VAC14: variants seen among roughly 807,000 people sequenced by gnomAD.
The protein encoded by VAC14 is VAC14 component of PIKFYVE complex.
In VAC14, 47 loss-of-function variants were observed where a neutral mutation model predicts 85.3. The ratio of observed to expected loss-of-function variants is 0.55; its 90% CI spans 0.44 to 0.70. The LOEUF is 0.70. Among genes scored for constraint, VAC14 ranks in the 30% least tolerant of loss-of-function variants. The probability of loss-of-function intolerance (pLI) is 0.00; values close to 1 mark genes in which losing one functional copy is unlikely to be tolerated. For synonymous variants in VAC14, 447 were observed against 430.5 expected (o/e 1.04, Z -0.47); for missense variants, 861 against 1,004.3 (o/e 0.86, Z 1.93).
chr16:70,783,171 G>A (rs765058951), intron 6 of VAC14, 32 bp from the exon 7 acceptor site: 20 of 1,603,962 alleles, frequency 1.2e-5, no homozygotes, highest in East Asian at 8.9e-5. Context: ...TGGAAACAGC[G>A]AGGGTCAGCC....
chr16:70,733,878 T>C (rs1747950450), intron 13 of VAC14, among the ~76,000 whole-genome samples: 1 of 152,200 alleles, frequency 6.6e-6, no homozygotes. Flanking sequence ...CAGGCTTGAG[T>C]ACAATGGCAC....
intron 1 of VAC14, among the ~76,000 whole-genome samples, chr16:70,796,294 T>C (rs372578931): frequency 1.3e-5 from 2 of 152,148 alleles, no homozygotes; most frequent in East Asian, 3.8e-4. Flanking sequence ...CTCTGCATTT[T>C]TAGTGTCTGA....
intron 14 of VAC14, among the ~76,000 whole-genome samples, chr16:70,718,856 C>G (rs185207744): frequency 2.6e-5 from 4 of 152,288 alleles, no homozygotes; most frequent in Admixed American, 2.6e-4. Flanking sequence ...GGCCGTGTCT[C>G]TGCCACTTGG....
At chr16:70,717,181 C>T (rs966070042) in intron 14 of VAC14, among the ~76,000 whole-genome samples, 2 of 152,252 alleles carry the variant, frequency 1.3e-5, no homozygotes, top group African/African-American at 4.8e-5. Context: ...GGGCAATCAG[C>T]ACCAGCGCAC....
intron 14 of VAC14, among the ~76,000 whole-genome samples, chr16:70,711,812 G>A (rs2142995899): frequency 6.6e-6 from 1 of 152,306 alleles, no homozygotes; most frequent in South Asian, 2.1e-4. Flanking sequence ...GGCTTTATAA[G>A]TGCCCACTTA....
intron 18 of VAC14, chr16:70,690,127 G>A: frequency 6.1e-6 from 6 of 985,782 alleles, no homozygotes; most frequent in Non-Finnish European, 7.2e-6. Flanking sequence ...CGTCGGTGTG[G>A]CAGGGTTGGT....
At chr16:70,694,403 C>T (rs909720107) in intron 17 of VAC14, among the ~76,000 whole-genome samples, 8 of 152,184 alleles carry the variant, frequency 5.3e-5, no homozygotes, top group African/African-American at 1.7e-4. Context: ...CAGGCTTTAG[C>T]GCACTCTGCG....
chr16:70,698,285 C>T (rs1388527541), intron 15 of VAC14, among the ~76,000 whole-genome samples: 1 of 152,190 alleles, frequency 6.6e-6, no homozygotes, highest in Non-Finnish European at 1.5e-5. Context: ...GTGGCACCAC[C>T]ATGCAGGGTG....
chr16:70,784,490 G>A (rs2033958532), intron 4 of VAC14, among the ~76,000 whole-genome samples: 1 of 152,174 alleles, frequency 6.6e-6, no homozygotes, highest in African/African-American at 2.4e-5. Context: ...GAATGCCCAG[G>A]CCCCTGCTGT....
intron 14 of VAC14, among the ~76,000 whole-genome samples, chr16:70,725,809 G>A (rs1411133409): frequency 1.3e-5 from 2 of 152,192 alleles, no homozygotes; most frequent in Non-Finnish European, 2.9e-5. Flanking sequence ...CATCTTAGGA[G>A]TGCCCTGTTC....
intron 1 of VAC14, among the ~76,000 whole-genome samples, chr16:70,796,982 C>T (rs2034573090): frequency 6.6e-6 from 1 of 152,094 alleles, no homozygotes; most frequent in Non-Finnish European, 1.5e-5. Context: ...AATCCCAGCA[C>T]TTTGGGAGGC....
intron 16 of VAC14, 47 bp from the exon 17 acceptor site, chr16:70,695,670 G>C (rs747084294): frequency 6.4e-7 from 1 of 1,570,236 alleles, no homozygotes; most frequent in Non-Finnish European, 8.8e-7. Context: ...CAGCACAGCC[G>C]CAGCTCACAG....
chr16:70,761,278 C>T, intron 12 of VAC14: 1 of 383,734 alleles, frequency 2.6e-6, no homozygotes, highest in South Asian at 2.0e-5. Flanking sequence ...AGCCCTCTCC[C>T]ATCCCCCCCA....
chr16:70,757,076 G>C (rs1183686549), intron 12 of VAC14, among the ~76,000 whole-genome samples: 2 of 152,192 alleles, frequency 1.3e-5, no homozygotes, highest in African/African-American at 2.4e-5. Flanking sequence ...GCTACGGGAG[G>C]GGGAAGAGAG....
rs752683960 is a variant in VAC14 at position 70,786,226 on chromosome 16, C to T, written c.244G>A (p.Ala82Thr). 3.7e-6 allele frequency: 6 copies of T among 1,613,988 alleles called. No homozygotes were observed. The highest frequency in any genetic ancestry group is 5.1e-6 in the Non-Finnish European group (6 of 1,179,950). Residue 82 changes from alanine (A) to threonine (T), a missense_variant, in exon 2 of 19, where the codon GCA becomes ACA. Physicochemically the swap from Ala to Thr is moderately conservative, Grantham distance 58 (BLOSUM62 0). Coordinates refer to ENST00000261776, the MANE Select transcript of VAC14 (RefSeq NM_018052.5). ...GLIGLAACSI[A>T]LGKDSGLYLK... ...GGTGAAAGGCCCACCTTGCCCAGTG[C>T]GATGGAGCAGGCGGCCAGGCCGATG...
rs2034030472 is a variant in VAC14 at position 70,785,876 on chromosome 16, G to C, written c.256-7C>G. On this transcript the variant is annotated splice_polypyrimidine_tract_variant and splice_region_variant and intron_variant, in intron 2 of 18. Coordinates refer to ENST00000261776, the MANE Select transcript of VAC14 (RefSeq NM_018052.5). ...TCAGGTAGAGCCCTGAGTCCTGCAA[G>C]GAGGCAGGAGGAGAAGACAGATCAG... The C allele has an allele frequency of 1.9e-6, 3 of 1,600,662 alleles. No individual in the cohort carries two copies. Among genetic ancestry groups the C allele is most frequent in the Admixed American group, 1.7e-5 (1 of 58,778 alleles).
chr16:70,725,590 G>A (rs2054404814), intron 14 of VAC14, among the ~76,000 whole-genome samples: 2 of 152,088 alleles, frequency 1.3e-5, no homozygotes, highest in Admixed American at 6.5e-5. Flanking sequence ...GGACACTGGG[G>A]AGGGGCAGTA....
chr16:70,757,817 T>TTCA (rs1390661329), intron 12 of VAC14, among the ~76,000 whole-genome samples: 1 of 152,208 alleles, frequency 6.6e-6, no homozygotes, highest in African/African-American at 2.4e-5. Context: ...GCATTTGACA[T>TTCA]TCATGATCTC....
intron 18 of VAC14, chr16:70,692,024 G>A: frequency 2.0e-6 from 2 of 984,660 alleles, no homozygotes; most frequent in Non-Finnish European, 2.4e-6. Flanking sequence ...AATCTTCTCA[G>A]TGGCTCTGCT....
Sources: allele counts gnomAD v4.1 joint callset (sites outside exome capture counted in the v4.1 genomes callset), GRCh38; gene constraint gnomAD v4.1.1; transcripts MANE v1.5; gene names NCBI Gene and HGNC (gene_info 2026-07-23, HGNC 2026-07-21).